Variants in MAJIN observed in about 807,000 individuals in gnomAD.
MAJIN encodes membrane anchored junction protein.
Under a neutral mutation model 30.2 loss-of-function variants are expected in MAJIN, and 27 were observed. The observed-to-expected ratio is 0.89, with a 90% CI of 0.66 to 1.23. The LOEUF (loss-of-function observed/expected upper bound fraction) is 1.23, where lower values mean the gene tolerates loss of function less well. MAJIN is among the 50% of genes most tolerant of loss of function. MAJIN has a pLI of 0.00. For missense variants in MAJIN, 253 were observed against 260.3 expected, an observed-to-expected ratio of 0.97 and a Z score of 0.19; for synonymous variants, 78 against 91.6, an observed-to-expected ratio of 0.85 and a Z score of 0.85.
At chr11:64,963,458 TCTG>T (rs1348908993) in intron 1 of MAJIN, among the ~76,000 whole-genome samples, 5 of 152,220 alleles carry the variant, frequency 3.3e-5, no homozygotes, top group African/African-American at 1.2e-4. Context: ...GATTTAGCAC[TCTG>T]CTACTAAATA....
At chr11:64,963,485 C>T (rs1270546173) in intron 1 of MAJIN, among the ~76,000 whole-genome samples, 1 of 152,202 alleles carries the variant, frequency 6.6e-6, no homozygotes, top group Non-Finnish European at 1.5e-5. Flanking sequence ...CTGGTGACAA[C>T]TGATAAAGTC....
At chr11:64,965,685 A>C (rs184259085) in intron 1 of MAJIN, among the ~76,000 whole-genome samples, 1 of 152,280 alleles carries the variant, frequency 6.6e-6, no homozygotes. Context: ...GGCTGGGCAC[A>C]GTGGCTCATG....
At chr11:64,960,313 T>G (rs951434629) in intron 1 of MAJIN, among the ~76,000 whole-genome samples, 178 bp from the exon 2 acceptor site, 1 of 152,198 alleles carries the variant, frequency 6.6e-6, no homozygotes, top group African/African-American at 2.4e-5. Context: ...AAAGAGAATC[T>G]GAGTTTGAAT....
chr11:64,958,598 G>GA (rs202169389), intron 3 of MAJIN, among the ~76,000 whole-genome samples: 40,650 of 102,340 alleles, frequency 0.4, 8,368 homozygotes, highest in Middle Eastern at 0.55. Context: ...TGTCTTGGGA[G>GA]AAAAAAAAAA....
intron 6 of MAJIN, among the ~76,000 whole-genome samples, chr11:64,948,376 T>A (rs75410504): frequency 0.041 from 6,218 of 151,768 alleles, 160 homozygotes; most frequent in Middle Eastern, 0.066. Flanking sequence ...GAACTTCAGC[T>A]ACCTGTGACA....
intron 8 of MAJIN, among the ~76,000 whole-genome samples, chr11:64,942,404 A>G (rs1945392853): frequency 6.6e-6 from 1 of 151,900 alleles, no homozygotes; most frequent in Admixed American, 6.6e-5. Context: ...ACTATACCCA[A>G]TGTATAGTCT....
At position 64,947,457 on chromosome 11, in the gene MAJIN, A is replaced by C. The variant is rs1289702040; in HGVS notation, c.390T>G (p.Val130=). Residue 130 remains valine, a synonymous_variant, in exon 8 of 11, where the codon GTT becomes GTG. Coordinates refer to ENST00000301896, the MANE Select transcript of MAJIN (RefSeq NM_001037225.3). Reference sequence around the variant, plus strand: ...TCACAGCTCCTACTGCTTTCTTCTCAACTGGGACCTTCAGGAGGAAGCAGA... The same window carrying C: ...TCACAGCTCCTACTGCTTTCTTCTCCACTGGGACCTTCAGGAGGAAGCAGA... ...ISDSPLGLVP[V]EKKAVGAVMR... is the part of the protein sequence containing the mutation. 6.2e-7 allele frequency: 1 copy of C among 1,613,670 alleles called. No individual in the cohort carries two copies. Among genetic ancestry groups the C allele is most frequent in the African/African-American group, 1.3e-5 (1 of 74,924 alleles).
intron 1 of MAJIN, among the ~76,000 whole-genome samples, chr11:64,971,222 G>C (rs1407761653): frequency 1.3e-5 from 2 of 152,106 alleles, no homozygotes; most frequent in African/African-American, 4.8e-5. Flanking sequence ...GAGGTCAGGA[G>C]TTCAAGACCA....
At chr11:64,948,640 T>TATATATATATATATATATATA (rs869204077) in intron 6 of MAJIN, among the ~76,000 whole-genome samples, 1 of 7,544 alleles carries the variant, frequency 1.3e-4, no homozygotes, top group African/African-American at 4.7e-4. Context: ...TATATATATA[T>TATATATATATATATATATATA]TTTTTTTTTT....
At position 64,938,590 on chromosome 11, in the gene MAJIN, A is replaced by C. The variant is rs1945323610; in HGVS notation, c.*2-17T>G. 1.3e-6 allele frequency: 2 copies of C among 1,535,194 alleles called. No homozygotes were observed. The highest frequency in any genetic ancestry group is 8.7e-7 in the Non-Finnish European group (1 of 1,146,252). Reference sequence around the variant, plus strand: ...AAGAGAGAGCTGCAAGAATGAGAACAGAGTAGGCTGAGACTCTATGAGGTC... The same window carrying C: ...AAGAGAGAGCTGCAAGAATGAGAACCGAGTAGGCTGAGACTCTATGAGGTC... On this transcript the variant is annotated splice_polypyrimidine_tract_variant and intron_variant, in intron 10 of 10. Transcript: ENST00000301896.
chr11:64,960,451 G>A (rs1051316000), intron 1 of MAJIN, among the ~76,000 whole-genome samples: 17 of 152,088 alleles, frequency 1.1e-4, no homozygotes, highest in African/African-American at 7.2e-5. Flanking sequence ...AAGCCTATAA[G>A]TCTAAATTTG....
chr11:64,949,921 A>G (rs528152528), intron 5 of MAJIN, 53 bp from the exon 6 acceptor site: 4 of 1,581,576 alleles, frequency 2.5e-6, no homozygotes, highest in Non-Finnish European at 3.4e-6. Flanking sequence ...ATTCCTAAGT[A>G]CTATTTTAGG....
intron 2 of MAJIN, 140 bp downstream of exon 2, chr11:64,959,949 G>A (rs948401059): frequency 6.5e-6 from 1 of 152,936 alleles, no homozygotes; most frequent in Non-Finnish European, 1.5e-5. Flanking sequence ...AACCAATGTA[G>A]CAAATAAGGA....
At chr11:64,960,998 T>A (rs1024542143) in intron 1 of MAJIN, among the ~76,000 whole-genome samples, 1 of 152,208 alleles carries the variant, frequency 6.6e-6, no homozygotes, top group African/African-American at 2.4e-5. Flanking sequence ...GATCATATCC[T>A]GAGAAAAAAC....
In MAJIN at chr11:64,947,673, C is replaced by G. The variant is rs1263788586; in HGVS notation, c.381+115G>C. 6 of 1,199,548 alleles carry G rather than the reference C, an allele frequency of 5.0e-6. No homozygotes were observed. In the African/African-American group the frequency reaches 7.6e-5, roughly 15 times the overall value. The allele number at this position is 1,199,548 out of a possible 1,614,324, so 74.3% of individuals were successfully genotyped here. A position where few individuals can be genotyped will look rare whatever the true frequency, so the allele number is the denominator to read the frequency against. ...TATGGTCTTATGTTTACAATTCTGA[C>G]TGGACCTGGGCAGCAACTGAGGGCA... On this transcript the variant is annotated intron_variant, in intron 7 of 10. Transcript: ENST00000301896.
intron 6 of MAJIN, among the ~76,000 whole-genome samples, chr11:64,948,641 T>G (rs9666996): frequency 1.1e-4 from 1 of 9,442 alleles, no homozygotes; most frequent in Admixed American, 2.0e-3. Flanking sequence ...ATATATATAT[T>G]TTTTTTTTTT....
At chr11:64,943,653 A>C (rs1168096704) in intron 8 of MAJIN, among the ~76,000 whole-genome samples, 1 of 152,190 alleles carries the variant, frequency 6.6e-6, no homozygotes, top group African/African-American at 2.4e-5. Flanking sequence ...AAAATCAATA[A>C]ACATGTTCCT....
chr11:64,938,891 A>G (rs1329983632), intron 10 of MAJIN, among the ~76,000 whole-genome samples: 1 of 152,214 alleles, frequency 6.6e-6, no homozygotes, highest in Non-Finnish European at 1.5e-5. Context: ...TGAATGGCTC[A>G]AGTAAACTAA....
intron 2 of MAJIN, 89 bp downstream of exon 2, chr11:64,960,000 T>C (rs912768139): frequency 5.2e-5 from 8 of 152,414 alleles, no homozygotes; most frequent in African/African-American, 1.9e-4. Flanking sequence ...GAATGGCTTA[T>C]TTTCCAGATC....
Sources: allele counts gnomAD v4.1 joint callset (sites outside exome capture counted in the v4.1 genomes callset), GRCh38; gene constraint gnomAD v4.1.1; transcripts MANE v1.5; gene names NCBI Gene and HGNC (gene_info 2026-07-23, HGNC 2026-07-21).